The following BTD variants were observed in gnomAD, a reference collection of about 807,000 sequenced individuals.
BTD encodes the protein biocytinase.
BTD carries 13 observed loss-of-function variants against 17.7 expected under a neutral mutation model. The ratio of observed to expected loss-of-function variants is 0.74; its 90% CI spans 0.48 to 1.17. BTD has a LOEUF of 1.17. Ranked by LOEUF, BTD falls within the 50% of genes most tolerant of loss-of-function variation. The probability of loss-of-function intolerance (pLI) is 0.00; values close to 1 mark genes in which losing one functional copy is unlikely to be tolerated. For synonymous variants in BTD, 240 were observed against 245.2 expected, an observed-to-expected ratio of 0.98 and a Z score of 0.20; for missense variants, 674 against 650.4, an observed-to-expected ratio of 1.04 and a Z score of -0.39.
rs2065691875 is a variant in BTD at position 15,646,224 on chromosome 3, G to A, written c.*736G>A. 1 of 152,280 alleles carries A rather than the reference G, an allele frequency of 6.6e-6. No individual in the cohort carries two copies. Among genetic ancestry groups the A allele is most frequent in the Non-Finnish European group, 1.5e-5 (1 of 68,092 alleles). The allele number at this position is 152,280 out of a possible 1,614,324, so 9.4% of individuals were successfully genotyped here. A position where few individuals can be genotyped will look rare whatever the true frequency, so the allele number is the denominator to read the frequency against. On this transcript the variant is annotated 3_prime_UTR_variant, in exon 4 of 4. Transcript: ENST00000643237. The stretch of plus-strand genomic sequence containing the variant: ...GAAATGTTGAGACGGGGGCAGCCAT[G>A]GGAAGGTATGAGTAATAGAATTCTT...
At chr3:15,637,018 C>CAGCAGT (rs1267113909) in intron 2 of BTD, among the ~76,000 whole-genome samples, 1 of 152,046 alleles carries the variant, frequency 6.6e-6, no homozygotes, top group Non-Finnish European at 1.5e-5. Flanking sequence ...TTTCAATGAG[C>CAGCAGT]AGCAGTCAGC....
Position 15,645,053 on chromosome 3 carries a change from G to A in BTD, c.1137G>A (p.Met379Ile). 6.2e-7 allele frequency: 1 copy of A among 1,614,236 alleles called. No individual in the cohort carries two copies. Among genetic ancestry groups the A allele is most frequent in the Non-Finnish European group, 8.5e-7 (1 of 1,180,042 alleles). ...NAPPTFHSEM[M>I]YDNFTLVPVW... is the part of the protein sequence containing the mutation. Reference sequence around the variant, plus strand: ...CTCCCACATTTCACTCTGAGATGATGTATGACAATTTCACCCTGGTCCCTG... The same window carrying A: ...CTCCCACATTTCACTCTGAGATGATATATGACAATTTCACCCTGGTCCCTG... Residue 379 changes from methionine (M) to isoleucine (I), a missense_variant, in exon 4 of 4, where the codon ATG becomes ATA. Met to Ile is a conservative substitution (Grantham distance 10, BLOSUM62 1). Transcript: ENST00000643237.
chr3:15,689,674 A>G (rs566994984), intron 3 of BTD, among the ~76,000 whole-genome samples: 11 of 152,180 alleles, frequency 7.2e-5, no homozygotes, highest in Non-Finnish European at 1.3e-4. Flanking sequence ...TAGTTAATAA[A>G]TCTATTTTTA....
intron 1 of BTD, chr3:15,606,441 GTTC>G (rs2064456470): frequency 6.6e-6 from 1 of 152,186 alleles, no homozygotes; most frequent in Non-Finnish European, 1.5e-5. Flanking sequence ...GGATTGACAG[GTTC>G]AAGACTGATT....
chr3:15,645,305 G>A lies in BTD; in HGVS notation c.1389G>A (p.Glu463=), dbSNP rs2065666834. Residue 463 remains glutamate, a synonymous_variant, in exon 4 of 4, where the codon GAG becomes GAA. Coordinates refer to ENST00000643237, the MANE Select transcript of BTD (RefSeq NM_001370658.1). The part of the protein sequence containing the change: ...QEITEATGIF[E]FHLWGNFSTS... Reference sequence around the variant, plus strand: ...TCACAGAGGCCACGGGGATATTTGAGTTTCACCTGTGGGGCAACTTCAGTA... The same window carrying A: ...TCACAGAGGCCACGGGGATATTTGAATTTCACCTGTGGGGCAACTTCAGTA... 1.2e-6 allele frequency: 2 copies of A among 1,614,092 alleles called. No homozygotes were observed. Among genetic ancestry groups the A allele is most frequent in the Admixed American group, 1.7e-5 (1 of 60,010 alleles).
intron 3 of BTD, among the ~76,000 whole-genome samples, chr3:15,661,586 C>T (rs905172996): frequency 3.3e-5 from 5 of 152,248 alleles, no homozygotes; most frequent in Non-Finnish European, 5.9e-5. Flanking sequence ...TTTTTCCTCC[C>T]AGTCTATGGC....
rs1056506945 is a variant in BTD at position 15,649,695 on chromosome 3, T to C, written c.*4207T>C. Among the ~76,000 whole-genome samples, 1 of 152,234 alleles carries C rather than the reference T, an allele frequency of 6.6e-6. No individual in the cohort carries two copies. Among genetic ancestry groups the C allele is most frequent in the African/African-American group, 2.4e-5 (1 of 41,456 alleles). On this transcript the variant is annotated 3_prime_UTR_variant, in exon 4 of 4. Coordinates refer to ENST00000643237, the MANE Select transcript of BTD (RefSeq NM_001370658.1). Reference sequence around the variant, plus strand: ...CTGTTGTCTGCTTGAAATGGCGTCTTCTGATGAACACTCATCCATCCTTCA... The same window carrying C: ...CTGTTGTCTGCTTGAAATGGCGTCTCCTGATGAACACTCATCCATCCTTCA...
intron 3 of BTD, among the ~76,000 whole-genome samples, chr3:15,706,588 C>T (rs913946689): frequency 3.9e-5 from 6 of 152,052 alleles, no homozygotes; most frequent in Non-Finnish European, 7.4e-5. Flanking sequence ...GATTTATAAT[C>T]CTTTGGGTAT....
At chr3:15,612,619 A>G (rs918396434) in intron 1 of BTD, among the ~76,000 whole-genome samples, 16 of 150,358 alleles carry the variant, frequency 1.1e-4, no homozygotes, top group African/African-American at 3.2e-4. Context: ...GAGTTTTGCT[A>G]TCTCTTTTCA....
chr3:15,645,241 G>C lies in BTD; in HGVS notation c.1325G>C (p.Arg442Thr). The C allele has an allele frequency of 6.2e-7, 1 of 1,614,216 alleles. No individual in the cohort carries two copies. The highest frequency in any genetic ancestry group is 8.5e-7 in the Non-Finnish European group (1 of 1,180,026). The change falls in exon 4 of 4, where the codon AGG (arginine) becomes ACG (threonine). Residue 442 changes from arginine to threonine, a missense_variant. Coordinates refer to ENST00000643237, the MANE Select transcript of BTD (RefSeq NM_001370658.1). Reference sequence around the variant, plus strand: ...TACATCCAAGTGTGTGCCCTGGTCAGGTGTGGGGGTCTTGGCTTCGACACC... The same window carrying C: ...TACATCCAAGTGTGTGCCCTGGTCACGTGTGGGGGTCTTGGCTTCGACACC... ...TYYIQVCALV[R>T]CGGLGFDTCG...
At position 15,635,273 on chromosome 3, in the gene BTD, CTT is replaced by C. The variant is rs527856467; in HGVS notation, c.-16-148_-16-147del. 6,091 of 1,214,802 alleles carry C rather than the reference CTT, an allele frequency of 5.0e-3. 54 individuals are homozygous for C. Among genetic ancestry groups the C allele is most frequent in the South Asian group, 0.023 (1,799 of 79,674 alleles). The allele number at this position is 1,214,802 out of a possible 1,614,324, so 75.3% of individuals were successfully genotyped here. A position where few individuals can be genotyped will look rare whatever the true frequency, so the allele number is the denominator to read the frequency against. On this transcript the variant is annotated intron_variant, in intron 1 of 3. Coordinates refer to ENST00000643237, the MANE Select transcript of BTD (RefSeq NM_001370658.1). The surrounding 1 kb of genome is among the most constrained non-coding windows in gnomAD (Gnocchi z 4.1). The stretch of plus-strand genomic sequence containing the variant: ...ACGTGTTTGGAGAGAAACACATACT[CTT>C]TTATTAGGAACATGAAACAAACTCT...
At chr3:15,622,543 T>G (rs1449746208) in intron 1 of BTD, among the ~76,000 whole-genome samples, 2 of 152,178 alleles carry the variant, frequency 1.3e-5, no homozygotes, top group Non-Finnish European at 2.9e-5. Context: ...GATGAAGTAG[T>G]CTATAGATGT....
chr3:15,675,714 G>A (rs758953909), intron 3 of BTD, among the ~76,000 whole-genome samples: 5 of 152,200 alleles, frequency 3.3e-5, no homozygotes, highest in Non-Finnish European at 7.3e-5. Context: ...GAATTCGGAA[G>A]TACATCTGTT....
intron 3 of BTD, chr3:15,676,643 T>A: frequency 4.8e-6 from 1 of 208,780 alleles, no homozygotes; most frequent in Non-Finnish European, 9.7e-6. Flanking sequence ...TTACCTCATT[T>A]ATTGTTAGTT....
intron 3 of BTD, among the ~76,000 whole-genome samples, chr3:15,664,598 G>C (rs1045536703): frequency 4.6e-5 from 7 of 151,958 alleles, no homozygotes; most frequent in African/African-American, 1.7e-4. Context: ...GTTTTATCAC[G>C]GCTCTTATGA....
At chr3:15,654,134 TTA>T (rs1413033012), downstream of BTD, among the ~76,000 whole-genome samples, 1 of 152,228 alleles carries the variant, frequency 6.6e-6, no homozygotes, top group Non-Finnish European at 1.5e-5. Flanking sequence ...TGTGCAGATT[TTA>T]TTTTTCCAAA....
intron 1 of BTD, among the ~76,000 whole-genome samples, chr3:15,612,815 A>C (rs981905390): frequency 1.3e-5 from 2 of 152,124 alleles, no homozygotes; most frequent in Non-Finnish European, 2.9e-5. Flanking sequence ...GAGTCTGAGC[A>C]TAGTTTTACT....
chr3:15,705,114 C>G (rs900720853), intron 3 of BTD, among the ~76,000 whole-genome samples: 10 of 152,174 alleles, frequency 6.6e-5, no homozygotes, highest in African/African-American at 2.4e-4. Context: ...AAGCCTGATA[C>G]TTTCCAGTGT....
chr3:15,702,954 A>G (rs1238076897), intron 3 of BTD, among the ~76,000 whole-genome samples: 2 of 152,182 alleles, frequency 1.3e-5, no homozygotes, highest in Non-Finnish European at 1.5e-5. Context: ...CATAGTCGTG[A>G]CAGAGTTTAG....
Sources: allele counts gnomAD v4.1 joint callset (sites outside exome capture counted in the v4.1 genomes callset), GRCh38; gene constraint gnomAD v4.1.1; non-coding constraint Gnocchi (gnomAD v3.1); transcripts MANE v1.5; gene names NCBI Gene and HGNC (gene_info 2026-07-23, HGNC 2026-07-21).